Variants in BPIFB4 observed in about 807,000 individuals in gnomAD.
BPIFB4 encodes the protein BPI fold-containing family B member 4.
Under a neutral mutation model 69.2 loss-of-function variants are expected in BPIFB4, and 62 were observed. The observed-to-expected ratio is 0.90, with a 90% CI of 0.73 to 1.11. The LOEUF (loss-of-function observed/expected upper bound fraction) is 1.11, where lower values mean the gene tolerates loss of function less well. Among genes scored for constraint, BPIFB4 ranks in the 50% least tolerant of loss-of-function variants. The pLI is 0.00. For synonymous variants in BPIFB4, 330 were observed against 332.7 expected (o/e 0.99, Z 0.09); for missense variants, 789 against 792.0 (o/e 1.00, Z 0.04).
chr20:33,083,717 A>T lies in BPIFB4; in HGVS notation c.520A>T (p.Thr174Ser). The T allele has an allele frequency of 6.2e-7, 1 of 1,613,940 alleles. No individual in the cohort carries two copies. Among genetic ancestry groups the T allele is most frequent in the South Asian group, 1.1e-5 (1 of 91,074 alleles). Residue 174 changes from threonine (T) to serine (S), a missense_variant, in exon 5 of 18, where the codon ACT (threonine) becomes TCT (serine). Thr to Ser is a moderately conservative substitution (Grantham distance 58). This residue lies in a region of BPIFB4 where 611 missense variants were observed against 575.4 expected (regional missense o/e 1.06). Transcript: ENST00000375483. ...GAVGPGGLLG[T>S]GGMLAADGIL... Reference sequence around the variant, plus strand: ...GGTGGGCCCAGGTGGTTTGCTGGGCACTGGAGGCATGCTGGCAGCTGATGG... The same window carrying T: ...GGTGGGCCCAGGTGGTTTGCTGGGCTCTGGAGGCATGCTGGCAGCTGATGG...
rs1179577173 is a variant in BPIFB4 at position 33,100,452 on chromosome 20, C to A, written c.1596C>A (p.Ser532=). Residue 532 remains serine (S), a synonymous_variant, in exon 14 of 18, where the codon TCC becomes TCA. Transcript: ENST00000375483. ...ACACAGAATTCTTGGCCTCATTTTC[C>A]ACAGAAGGAGATAAGCTCATGATTG... ...DVDTEFLASF[S]TEGDKLMIDA... 1 of 1,607,020 alleles carries A rather than the reference C, an allele frequency of 6.2e-7. No homozygotes were observed. The highest frequency in any genetic ancestry group is 1.1e-5 in the South Asian group (1 of 90,920).
rs35666483 is a variant in BPIFB4, at chr20:33,104,851, G to C, written c.1722G>C (p.Leu574=). The change falls in exon 16 of 18, where the codon CTG becomes CTC. Residue 574 remains leucine, a synonymous_variant. Transcript: ENST00000375483. Reference sequence around the variant, plus strand: ...TGCTGGTGGAGAAGATTTTTGACCTGGCATTCATGCCCGCAATGAACGGTG... The same window carrying C: ...TGCTGGTGGAGAAGATTTTTGACCTCGCATTCATGCCCGCAATGAACGGTG... ...MEVLVEKIFD[L]AFMPAMNAVL... is the part of the protein sequence containing the mutation. 6.2e-7 allele frequency: 1 copy of C among 1,613,996 alleles called. No homozygotes were observed. Among genetic ancestry groups the C allele is most frequent in the Non-Finnish European group, 8.5e-7 (1 of 1,180,012 alleles).
intron 10 of BPIFB4, 127 bp from the exon 11 acceptor site, chr20:33,092,331 A>G (rs1029291342): frequency 2.2e-5 from 16 of 730,152 alleles, no homozygotes; most frequent in Non-Finnish European, 3.4e-5. Flanking sequence ...TCAAAGAGCC[A>G]CTCAGACTCA....
intron 17 of BPIFB4, among the ~76,000 whole-genome samples, chr20:33,110,775 G>T (rs1162855802): frequency 6.8e-6 from 1 of 147,942 alleles, no homozygotes. Context: ...TTGGTCTATG[G>T]GTTATCATCT....
At chr20:33,103,101 G>T (rs1296358003) in intron 15 of BPIFB4, 87 bp downstream of exon 15, 3 of 1,458,028 alleles carry the variant, frequency 2.1e-6, no homozygotes, top group Non-Finnish European at 9.6e-7. Context: ...CTGTGAGGCT[G>T]GCTGGGCATG....
At chr20:33,100,056 C>T (rs182683945) in intron 13 of BPIFB4, among the ~76,000 whole-genome samples, 2 of 152,230 alleles carry the variant, frequency 1.3e-5, no homozygotes, top group Admixed American at 1.3e-4. Flanking sequence ...CACTCCCCAC[C>T]CACTCCGAGG....
rs758603625 is a variant in BPIFB4, at chr20:33,085,004, C to A, written c.782+8C>A. On this transcript the variant is annotated splice_region_variant and intron_variant, in intron 6 of 17. Transcript: ENST00000375483. ...GGCCATCAACGGGAAGAGGTGCGTG[C>A]CCTTGGCCCTGGAGGGGTCCCCACC... 5 of 1,609,858 alleles carry A rather than the reference C, an allele frequency of 3.1e-6. No homozygotes were observed. Among genetic ancestry groups the A allele is most frequent in the Non-Finnish European group, 4.2e-6 (5 of 1,179,410 alleles).
At chr20:33,084,820 A>G (rs956404140) in intron 5 of BPIFB4, 72 bp from the exon 6 acceptor site, 37 of 1,546,520 alleles carry the variant, frequency 2.4e-5, no homozygotes, top group Admixed American at 7.5e-5. Context: ...AAGGGGGTGT[A>G]GGGGAGGGCG....
chr20:33,089,522 C>T lies in BPIFB4; in HGVS notation c.1015C>T (p.Leu339=). Residue 339 remains leucine (L), a synonymous_variant, in exon 9 of 18, where the codon CTG becomes TTG. Coordinates refer to ENST00000375483, the MANE Select transcript of BPIFB4 (RefSeq NM_182519.3). The part of the protein sequence containing the change: ...DLLCPIVDVV[L]GLVNDQLGLV... Reference sequence around the variant, plus strand: ...GCTCTGCCCCATCGTGGATGTGGTGCTGGGTCTTGTCAATGACCAGCTGGG... The same window carrying T: ...GCTCTGCCCCATCGTGGATGTGGTGTTGGGTCTTGTCAATGACCAGCTGGG... 1 of 1,614,240 alleles carries T rather than the reference C, an allele frequency of 6.2e-7. No individual in the cohort carries two copies. The highest frequency in any genetic ancestry group is 8.5e-7 in the Non-Finnish European group (1 of 1,180,042).
In BPIFB4 at chr20:33,086,132, C is replaced by T. The variant is rs1438268702; in HGVS notation, c.894C>T (p.Leu298=). ...TGGTCATTGAGCGATGTGACACCCTCCTAGGGGGCATCAAAGTCAAGCTGC... is the reference window on the plus strand; with the variant it reads ...TGGTCATTGAGCGATGTGACACCCTTCTAGGGGGCATCAAAGTCAAGCTGC... ...PRLVIERCDT[L]LGGIKVKLLR... Residue 298 remains leucine, a synonymous_variant, in exon 7 of 18, where the codon CTC becomes CTT. Transcript: ENST00000375483. 6.2e-7 allele frequency: 1 copy of T among 1,609,706 alleles called. No individual in the cohort carries two copies. The highest frequency in any genetic ancestry group is 1.1e-5 in the South Asian group (1 of 90,986).
At chr20:33,099,782 A>G (rs1981855884) in intron 13 of BPIFB4, among the ~76,000 whole-genome samples, 1 of 152,194 alleles carries the variant, frequency 6.6e-6, no homozygotes, top group Non-Finnish European at 1.5e-5. Context: ...CAGGCCAGTC[A>G]TCGTGGTCAT....
In BPIFB4 at chr20:33,094,159, T is replaced by C. The variant is rs1267985179; in HGVS notation, c.1345-941T>C. ...GTGTCCGTATATAGTTAGCCCTCTC[T>C]TGCACTTGTCGTTGTCCCCTTTTAA... On this transcript the variant is annotated intron_variant, in intron 11 of 17. Coordinates refer to ENST00000375483, the MANE Select transcript of BPIFB4 (RefSeq NM_182519.3). Among the ~76,000 whole-genome samples the C allele has an allele frequency of 2.0e-5, 3 of 152,248 alleles. No homozygotes were observed. The East Asian group carries it at 5.8e-4, about 29-fold the overall frequency.
At chr20:33,080,057 T>C (rs1981183778) in intron 1 of BPIFB4, among the ~76,000 whole-genome samples, 1 of 152,122 alleles carries the variant, frequency 6.6e-6, no homozygotes, top group Non-Finnish European at 1.5e-5. Flanking sequence ...TGAACACAGC[T>C]CTCTGGAAAG....
chr20:33,106,108 G>A (rs1261440801), intron 16 of BPIFB4, among the ~76,000 whole-genome samples: 2 of 152,062 alleles, frequency 1.3e-5, no homozygotes, highest in Non-Finnish European at 2.9e-5. Context: ...CTGGAATAGA[G>A]AAGTCTGTTA....
At chr20:33,107,518 C>A (rs925262881) in intron 16 of BPIFB4, among the ~76,000 whole-genome samples, 1 of 152,212 alleles carries the variant, frequency 6.6e-6, no homozygotes, top group African/African-American at 2.4e-5. Context: ...TGCCTATAAT[C>A]CCAGCTACTT....
chr20:33,085,978 T>G, intron 6 of BPIFB4, 43 bp from the exon 7 acceptor site: 8 of 1,580,176 alleles, frequency 5.1e-6, no homozygotes, highest in Non-Finnish European at 6.9e-6. Context: ...TCCTGGCGGC[T>G]GGGGGTGACT....
intron 16 of BPIFB4, among the ~76,000 whole-genome samples, chr20:33,105,810 G>A (rs1298261168): frequency 1.3e-5 from 2 of 152,224 alleles, no homozygotes; most frequent in Non-Finnish European, 2.9e-5. Context: ...GATGGGGTCA[G>A]GGGCTGGGCT....
chr20:33,084,901 C>G lies in BPIFB4; in HGVS notation c.687C>G (p.Ile229Met). The G allele has an allele frequency of 6.2e-7, 1 of 1,608,122 alleles. No homozygotes were observed. Among genetic ancestry groups the G allele is most frequent in the Middle Eastern group, 1.7e-4 (1 of 6,060 alleles). Residue 229 changes from isoleucine to methionine, a missense_variant, in exon 6 of 18, where the codon ATC becomes ATG. By Grantham distance (10) the Ile-to-Met change is conservative. Coordinates refer to ENST00000375483, the MANE Select transcript of BPIFB4 (RefSeq NM_182519.3). Reference sequence around the variant, plus strand: ...TCTGTGTCCCGAGCAGGCTGCGTATCGTGGAGCTGACCCTCCCTCGGGTGT... The same window carrying G: ...TCTGTGTCCCGAGCAGGCTGCGTATGGTGGAGCTGACCCTCCCTCGGGTGT... ...STVQGITGLR[I>M]VELTLPRVSV...
Position 33,100,453 on chromosome 20 carries a change from ACAG to A in BPIFB4, c.1598_1600del (p.Thr533_Glu534delinsLys), listed in dbSNP as rs1039632523. ...CACAGAATTCTTGGCCTCATTTTCC[ACAG>A]AAGGAGATAAGCTCATGATTGATGC... On this transcript the variant is annotated inframe_deletion, in exon 14 of 18. Coordinates refer to ENST00000375483, the MANE Select transcript of BPIFB4 (RefSeq NM_182519.3). 3.1e-6 allele frequency: 5 copies of A among 1,607,012 alleles called. No individual in the cohort carries two copies. Among genetic ancestry groups the A allele is most frequent in the Admixed American group, 1.7e-5 (1 of 60,006 alleles).
Sources: gnomAD v4.1 joint callset for allele counts (sites outside exome capture counted in the v4.1 genomes callset) on GRCh38, gnomAD v4.1.1 for gene constraint, gnomAD v4.1.1 regional missense constraint, MANE v1.5 for transcripts, NCBI Gene and HGNC (gene_info 2026-07-23, HGNC 2026-07-21) for gene names.